Variants in VAV2 observed in about 807,000 individuals in gnomAD.
The protein encoded by VAV2 is vav guanine nucleotide exchange factor 2, also known as guanine nucleotide exchange factor VAV2.
VAV2 carries 67 observed loss-of-function variants against 132.5 expected under a neutral mutation model. That is an observed-to-expected ratio of 0.51 (90% CI 0.42 to 0.62). The LOEUF (loss-of-function observed/expected upper bound fraction) is 0.62, where lower values mean the gene tolerates loss of function less well. Ranked by LOEUF, VAV2 falls within the 20% of genes least tolerant of loss-of-function variation. The pLI is 0.00. For missense variants in VAV2, 938 were observed against 1,153.6 expected, an observed-to-expected ratio of 0.81 and a Z score of 2.71; for synonymous variants, 492 against 443.5, an observed-to-expected ratio of 1.11 and a Z score of -1.37.
chr9:133,875,286 C>G (rs1284204548), intron 2 of VAV2, among the ~76,000 whole-genome samples: 1 of 152,232 alleles, frequency 6.6e-6, no homozygotes, highest in Non-Finnish European at 1.5e-5. Flanking sequence ...CAGTCCCCAG[C>G]CACTGCCTGG....
chr9:133,976,033 TAAA>T (rs556066186), intron 1 of VAV2, among the ~76,000 whole-genome samples: 85 of 137,016 alleles, frequency 6.2e-4, no homozygotes, highest in African/African-American at 2.4e-3. Flanking sequence ...CCATCTCTAC[TAAA>T]AAAAAAAAGA....
chr9:133,812,200 C>A lies in VAV2; in HGVS notation c.466G>T (p.Glu156Ter), dbSNP rs1167880867. ...CACGGGACGCAGTCGTAGATGTCCT[C>A]CCCCAGGTCATGCTCGCTGCACAGG... ...EELADEHDLG[E>*]DIYDCVPCED... Residue 156 changes from glutamate (E) to a stop codon, truncating the protein, a stop_gained, in exon 5 of 30, where the codon GAG (glutamate) becomes TAG (stop). Transcript: ENST00000371850. LOFTEE classifies it high-confidence loss of function. 1 of 1,613,868 alleles carries A rather than the reference C, an allele frequency of 6.2e-7. No individual in the cohort carries two copies. Among genetic ancestry groups the A allele is most frequent in the Non-Finnish European group, 8.5e-7 (1 of 1,179,998 alleles).
chr9:133,942,138 G>A (rs553669501), intron 1 of VAV2, among the ~76,000 whole-genome samples: 10 of 152,316 alleles, frequency 6.6e-5, no homozygotes, highest in African/African-American at 1.9e-4. Flanking sequence ...TGAGTTTTAC[G>A]TTATGTGTAT....
intron 3 of VAV2, among the ~76,000 whole-genome samples, chr9:133,856,093 C>T (rs1484646410): frequency 3.3e-5 from 5 of 152,188 alleles, no homozygotes; most frequent in African/African-American, 1.2e-4. Context: ...ATGAAACATC[C>T]AGAACAGGCA....
At chr9:133,873,117 G>A in intron 2 of VAV2, among the ~76,000 whole-genome samples, 1 of 122,548 alleles carries the variant, frequency 8.2e-6, no homozygotes, top group Non-Finnish European at 1.7e-5. Flanking sequence ...CGGGGGGGTG[G>A]GGGAGGGAGG....
At chr9:133,855,970 G>A (rs1010308724) in intron 3 of VAV2, among the ~76,000 whole-genome samples, 4 of 152,204 alleles carry the variant, frequency 2.6e-5, no homozygotes, top group African/African-American at 7.2e-5. Flanking sequence ...AATGTTCCAC[G>A]GCCATAAAGA....
At chr9:133,878,175 G>A (rs1026631934) in intron 2 of VAV2, among the ~76,000 whole-genome samples, 4 of 152,308 alleles carry the variant, frequency 2.6e-5, no homozygotes, top group South Asian at 2.1e-4. Flanking sequence ...CAGATGCTCC[G>A]GGTGTACCAC....
chr9:133,782,021 G>A (rs1834026478), intron 19 of VAV2, among the ~76,000 whole-genome samples: 1 of 152,060 alleles, frequency 6.6e-6, no homozygotes, highest in Non-Finnish European at 1.5e-5. Context: ...GGGGATAGGA[G>A]GAGTAGTTTT....
chr9:133,812,166 C>G lies in VAV2; in HGVS notation c.500G>C (p.Gly167Ala). The change falls in exon 5 of 30, where the codon GGA (glycine) becomes GCA (alanine). Residue 167 changes from glycine to alanine, a missense_variant. Transcript: ENST00000371850. ...GATGTCCTCGTAGATGTCGTCCCCT[C>G]CATCCTCACACGGGACGCAGTCGTA... ...DIYDCVPCED[G>A]GDDIYEDIIK... The G allele has an allele frequency of 1.9e-6, 3 of 1,614,012 alleles. No individual in the cohort carries two copies. The highest frequency in any genetic ancestry group is 1.7e-6 in the Non-Finnish European group (2 of 1,180,004).
chr9:133,933,779 TGGATGGAC>T (rs1840783287), intron 2 of VAV2, among the ~76,000 whole-genome samples: 2 of 144,004 alleles, frequency 1.4e-5, no homozygotes, highest in African/African-American at 2.6e-5. Context: ...GATGGGTGGA[TGGATGGAC>T]GGATGGTGGA....
chr9:133,929,536 T>C (rs1840602263), intron 2 of VAV2, among the ~76,000 whole-genome samples: 1 of 151,942 alleles, frequency 6.6e-6, no homozygotes, highest in African/African-American at 2.4e-5. Context: ...CCAAGGCTGA[T>C]AGACAAGGGT....
intron 1 of VAV2, among the ~76,000 whole-genome samples, chr9:133,986,008 T>C (rs974531735): frequency 6.6e-6 from 1 of 150,736 alleles, no homozygotes; most frequent in Non-Finnish European, 1.5e-5. Flanking sequence ...CTGAGAGAGA[T>C]GAGCAGAGAA....
intron 2 of VAV2, among the ~76,000 whole-genome samples, chr9:133,905,063 G>A (rs1159346088): frequency 6.6e-6 from 1 of 152,124 alleles, no homozygotes; most frequent in Non-Finnish European, 1.5e-5. Context: ...CCCAGGGCGG[G>A]GGGCTCTGAG....
chr9:133,805,965 G>A (rs1835120906), intron 9 of VAV2, 116 bp downstream of exon 9: 2 of 1,126,356 alleles, frequency 1.8e-6, no homozygotes, highest in Non-Finnish European at 2.5e-6. Flanking sequence ...GTCCAGAGGG[G>A]GCGGCCCCTG....
intron 1 of VAV2, among the ~76,000 whole-genome samples, chr9:133,977,912 G>T (rs537661954): frequency 6.6e-6 from 1 of 152,122 alleles, no homozygotes; most frequent in Non-Finnish European, 1.5e-5. Flanking sequence ...GGGATGGGGC[G>T]TCCACCTGCC....
chr9:133,961,494 C>T lies in VAV2; in HGVS notation c.205-22275G>A, dbSNP rs1209875013. Among the ~76,000 whole-genome samples, 1 of 152,124 alleles carries T rather than the reference C, an allele frequency of 6.6e-6. No individual in the cohort carries two copies. The highest frequency in any genetic ancestry group is 2.4e-5 in the African/African-American group (1 of 41,420). ...TCCAACCCAGTCGGGTTTCAGTGACCCAAGGTCAGAGGCATGGAGGGAGCC... is the reference window on the plus strand; with the variant it reads ...TCCAACCCAGTCGGGTTTCAGTGACTCAAGGTCAGAGGCATGGAGGGAGCC... On this transcript the variant is annotated intron_variant, in intron 1 of 29. Coordinates refer to ENST00000371850, the MANE Select transcript of VAV2 (RefSeq NM_001134398.2). The surrounding 1 kb of genome is among the most constrained non-coding windows in gnomAD (Gnocchi z 4.1).
At chr9:133,934,975 T>C (rs2132121585) in intron 2 of VAV2, among the ~76,000 whole-genome samples, 1 of 152,306 alleles carries the variant, frequency 6.6e-6, no homozygotes, top group African/African-American at 2.4e-5. Context: ...GAGTCAGCTC[T>C]GCCCCTGGTA....
chr9:133,887,601 C>T (rs1253500289), intron 2 of VAV2, among the ~76,000 whole-genome samples: 3 of 152,042 alleles, frequency 2.0e-5, no homozygotes, highest in Non-Finnish European at 2.9e-5. Context: ...ACATTCCCCA[C>T]GCGCCTCCCT....
intron 2 of VAV2, among the ~76,000 whole-genome samples, chr9:133,930,482 TC>T: frequency 6.6e-6 from 1 of 152,072 alleles, no homozygotes. Flanking sequence ...CCTCTCTGCC[TC>T]CCGGCATCCT....
Sources: gnomAD v4.1 joint callset for allele counts (sites outside exome capture counted in the v4.1 genomes callset) on GRCh38, gnomAD v4.1.1 for gene constraint, Gnocchi (gnomAD v3.1) non-coding constraint, MANE v1.5 for transcripts, NCBI Gene and HGNC (gene_info 2026-07-23, HGNC 2026-07-21) for gene names.